Variants in ADAMTS12 observed in about 807,000 individuals in gnomAD.
ADAMTS12 encodes the protein ADAM metallopeptidase with thrombospondin type 1 motif 12, also known as A disintegrin and metalloproteinase with thrombospondin motifs 12.
A neutral mutation model predicts 167.8 loss-of-function variants in ADAMTS12; 118 were observed. That is an observed-to-expected ratio of 0.70 (90% CI 0.61 to 0.82). The LOEUF (loss-of-function observed/expected upper bound fraction) is 0.82, where lower values mean the gene tolerates loss of function less well. Ranked by LOEUF, ADAMTS12 falls within the 40% of genes least tolerant of loss-of-function variation. The pLI, the probability that ADAMTS12 is intolerant of heterozygous loss-of-function variation, is 0.00. For missense variants in ADAMTS12, 1,916 were observed against 1,998.8 expected, an observed-to-expected ratio of 0.96 and a Z score of 0.79; for synonymous variants, 704 against 716.9, an observed-to-expected ratio of 0.98 and a Z score of 0.29.
intron 13 of ADAMTS12, among the ~76,000 whole-genome samples, chr5:33,626,475 T>TG (rs1248817829): frequency 6.7e-6 from 1 of 149,264 alleles, no homozygotes; most frequent in African/African-American, 2.5e-5. Flanking sequence ...GTGGTGGTGA[T>TG]GTGGTAGTGG....
At chr5:33,876,148 A>G (rs1750216974) in intron 2 of ADAMTS12, among the ~76,000 whole-genome samples, 1 of 152,232 alleles carries the variant, frequency 6.6e-6, no homozygotes, top group South Asian at 2.1e-4. Context: ...AAAATCAAAG[A>G]AGATCTAAAT....
intron 14 of ADAMTS12, among the ~76,000 whole-genome samples, chr5:33,620,939 A>G (rs1029291493): frequency 1.3e-5 from 2 of 152,214 alleles, no homozygotes; most frequent in Non-Finnish European, 2.9e-5. Flanking sequence ...AAGAATGATG[A>G]CTATATTTGC....
chr5:33,797,129 A>G (rs929835878), intron 2 of ADAMTS12, among the ~76,000 whole-genome samples: 4 of 152,208 alleles, frequency 2.6e-5, no homozygotes, highest in Non-Finnish European at 4.4e-5. Context: ...GAATGTGAAC[A>G]AGCAACTCTT....
At chr5:33,741,340 G>T (rs1158469396) in intron 3 of ADAMTS12, among the ~76,000 whole-genome samples, 1 of 152,226 alleles carries the variant, frequency 6.6e-6, no homozygotes, top group African/African-American at 2.4e-5. Context: ...TTGGCTTGCA[G>T]ATGGGGCTTT....
intron 17 of ADAMTS12, among the ~76,000 whole-genome samples, chr5:33,592,992 A>G (rs1380619357): frequency 6.6e-6 from 1 of 152,208 alleles, no homozygotes; most frequent in Non-Finnish European, 1.5e-5. Context: ...TAAAAAAGCA[A>G]ATCGCCAGGC....
In ADAMTS12 at chr5:33,791,995, C is replaced by CTT. The variant is rs746021718; in HGVS notation, c.490-40449_490-40448dup. Among the ~76,000 whole-genome samples, 827 of 119,334 alleles carry CTT rather than the reference C, an allele frequency of 6.9e-3. 24 individuals carry two copies. Among genetic ancestry groups the CTT allele is most frequent in the African/African-American group, 0.02 (595 of 29,856 alleles). The allele number at this position is 119,334 out of a possible 152,430, so 78.3% of individuals were successfully genotyped here. ...GTCTTAGCTTAAACGTGCTTTCACA[C>CTT]TTTTTTTTTTTTTTTTTTTTGAGAT... is the stretch of plus-strand genomic sequence containing the variant. On this transcript the variant is annotated intron_variant, in intron 2 of 23. Coordinates refer to ENST00000504830, the MANE Select transcript of ADAMTS12 (RefSeq NM_030955.4).
intron 16 of ADAMTS12, among the ~76,000 whole-genome samples, chr5:33,604,517 G>A (rs10073476): frequency 0.86 from 125,297 of 146,204 alleles, 53,716 homozygotes; most frequent in Middle Eastern, 0.93. Flanking sequence ...TAAAAAAAAA[G>A]AAAAGAAAAG....
At chr5:33,855,918 G>A (rs897057160) in intron 2 of ADAMTS12, among the ~76,000 whole-genome samples, 13 of 152,030 alleles carry the variant, frequency 8.6e-5, no homozygotes, top group East Asian at 5.8e-4. Flanking sequence ...TGTTTGTAGC[G>A]ATGATGCCTC....
At position 33,649,566 on chromosome 5, in the gene ADAMTS12, G is replaced by T. The variant is rs367680984; in HGVS notation, c.1322C>A (p.Thr441Asn). Reference sequence around the variant, plus strand: ...CACTGTCACTTACTCCAAGAAGCGGGTGATGTACTCCTCGCTGCACTTGGA... The same window carrying T: ...CACTGTCACTTACTCCAAGAAGCGGTTGATGTACTCCTCGCTGCACTTGGA... ...TWSKCSEEYI[T>N]RFLDRGWGFC... Residue 441 changes from threonine (T) to asparagine (N), a missense_variant, in exon 8 of 24, where the codon ACC becomes AAC. Transcript: ENST00000504830. 6.2e-7 allele frequency: 1 copy of T among 1,613,802 alleles called. No homozygotes were observed. Among genetic ancestry groups the T allele is most frequent in the Non-Finnish European group, 8.5e-7 (1 of 1,179,790 alleles).
chr5:33,716,867 A>G (rs1743634997), intron 3 of ADAMTS12, among the ~76,000 whole-genome samples: 1 of 152,196 alleles, frequency 6.6e-6, no homozygotes, highest in Non-Finnish European at 1.5e-5. Context: ...CTCCACTTTC[A>G]CTTTTCTTCT....
At chr5:33,542,707 A>G (rs970430706) in intron 22 of ADAMTS12, among the ~76,000 whole-genome samples, 1 of 152,202 alleles carries the variant, frequency 6.6e-6, no homozygotes, top group Non-Finnish European at 1.5e-5. Flanking sequence ...GGATTAAGAA[A>G]CTCACTCAAA....
chr5:33,542,889 T>C (rs1192069939), intron 22 of ADAMTS12, among the ~76,000 whole-genome samples: 2 of 152,068 alleles, frequency 1.3e-5, no homozygotes, highest in Non-Finnish European at 2.9e-5. Context: ...TTTATAACAC[T>C]AAATGCCCAC....
intron 3 of ADAMTS12, among the ~76,000 whole-genome samples, chr5:33,725,559 C>T (rs1057249125): frequency 6.6e-6 from 1 of 152,166 alleles, no homozygotes; most frequent in African/African-American, 2.4e-5. Flanking sequence ...GAAAGAGGGG[C>T]TGAGAGAAAC....
chr5:33,829,337 A>T (rs1298687492), intron 2 of ADAMTS12, among the ~76,000 whole-genome samples: 2 of 152,064 alleles, frequency 1.3e-5, no homozygotes, highest in Non-Finnish European at 2.9e-5. Context: ...ATGACCTTTC[A>T]CTGCATACTC....
intron 20 of ADAMTS12, among the ~76,000 whole-genome samples, chr5:33,550,852 G>A (rs1195748471): frequency 6.6e-6 from 1 of 152,160 alleles, no homozygotes; most frequent in Admixed American, 6.5e-5. Context: ...GACAGACACA[G>A]TGTAGATGGC....
At chr5:33,744,356 G>T (rs1457867114) in intron 3 of ADAMTS12, among the ~76,000 whole-genome samples, 1 of 152,154 alleles carries the variant, frequency 6.6e-6, no homozygotes, top group Non-Finnish European at 1.5e-5. Context: ...GTGATGAAAA[G>T]CAAAGCTTCT....
intron 16 of ADAMTS12, among the ~76,000 whole-genome samples, chr5:33,613,042 G>A (rs958409655): frequency 6.6e-6 from 1 of 152,216 alleles, no homozygotes; most frequent in Non-Finnish European, 1.5e-5. Flanking sequence ...CAGTGCAGGT[G>A]CTGCAGAGAC....
At chr5:33,805,393 T>C (rs1747185115) in intron 2 of ADAMTS12, among the ~76,000 whole-genome samples, 1 of 152,216 alleles carries the variant, frequency 6.6e-6, no homozygotes, top group Admixed American at 6.5e-5. Flanking sequence ...GCCATGGTAG[T>C]TGAGCCGTAT....
chr5:33,690,680 A>T lies in ADAMTS12; in HGVS notation c.635-6625T>A, dbSNP rs577654869. On this transcript the variant is annotated intron_variant, in intron 3 of 23. Transcript: ENST00000504830. The stretch of plus-strand genomic sequence containing the variant: ...AGTCAATAATCTGAATGAGTCGAGA[A>T]TTTATAATGAATTTATATTAAATCC... Among the ~76,000 whole-genome samples the T allele has an allele frequency of 5.3e-5, 8 of 152,318 alleles. No homozygotes were observed. The East Asian group carries it at 1.2e-3, about 22-fold the overall frequency.
Sources: gnomAD v4.1 joint callset for allele counts (sites outside exome capture counted in the v4.1 genomes callset) on GRCh38, gnomAD v4.1.1 for gene constraint, MANE v1.5 for transcripts, NCBI Gene and HGNC (gene_info 2026-07-23, HGNC 2026-07-21) for gene names.